Variants in PAK5 observed in about 807,000 individuals in gnomAD.
The protein encoded by PAK5 is p21 (RAC1) activated kinase 5, also known as serine/threonine-protein kinase PAK 5.
PAK5 carries 16 observed loss-of-function variants against 65.9 expected under a neutral mutation model. The ratio of observed to expected loss-of-function variants is 0.24; its 90% CI spans 0.16 to 0.37. The LOEUF (loss-of-function observed/expected upper bound fraction) is 0.37. Ranked by LOEUF, PAK5 falls within the 10% of genes least tolerant of loss-of-function variation. PAK5 has a pLI of 1.00. For synonymous variants in PAK5, 371 were observed against 354.9 expected (o/e 1.05, Z -0.51); for missense variants, 785 against 903.9 (o/e 0.87, Z 1.69).
At chr20:9,540,898 G>A (rs2045251615) in intron 9 of PAK5, among the ~76,000 whole-genome samples, 1 of 152,014 alleles carries the variant, frequency 6.6e-6, no homozygotes, top group South Asian at 2.1e-4. Flanking sequence ...CACCATGCTT[G>A]GCTAATTTTT....
chr20:9,702,066 T>G (rs2047946750), intron 2 of PAK5, among the ~76,000 whole-genome samples: 1 of 152,066 alleles, frequency 6.6e-6, no homozygotes, highest in Admixed American at 6.6e-5. Context: ...TATCCGAGCT[T>G]CCCTCCACCT....
At chr20:9,746,988 A>G (rs1452401331) in intron 1 of PAK5, among the ~76,000 whole-genome samples, 2 of 152,192 alleles carry the variant, frequency 1.3e-5, no homozygotes, top group African/African-American at 4.8e-5. Context: ...CGCAATAAAA[A>G]ATGGTAAAGG....
chr20:9,551,094 C>T (rs1235722770), intron 7 of PAK5, among the ~76,000 whole-genome samples: 5 of 152,126 alleles, frequency 3.3e-5, no homozygotes, highest in Non-Finnish European at 2.9e-5. Context: ...TTGCATGATA[C>T]TTTAATCATC....
chr20:9,765,608 C>T (rs1027101178), intron 1 of PAK5, among the ~76,000 whole-genome samples: 6 of 152,132 alleles, frequency 3.9e-5, no homozygotes, highest in Admixed American at 1.3e-4. Flanking sequence ...GGAGTATTCA[C>T]ACCAAGAAAC....
At chr20:9,682,228 G>A (rs1284939591) in intron 2 of PAK5, among the ~76,000 whole-genome samples, 1 of 152,014 alleles carries the variant, frequency 6.6e-6, no homozygotes, top group Non-Finnish European at 1.5e-5. Flanking sequence ...GTGGTGGCGG[G>A]CGCCTGTAGT....
At chr20:9,767,915 A>C (rs2123667847) in intron 1 of PAK5, among the ~76,000 whole-genome samples, 1 of 152,306 alleles carries the variant, frequency 6.6e-6, no homozygotes, top group East Asian at 1.9e-4. Flanking sequence ...AGGGAATACT[A>C]TGCAACCATA....
At chr20:9,640,311 G>T (rs1275473110) in intron 3 of PAK5, among the ~76,000 whole-genome samples, 1 of 149,644 alleles carries the variant, frequency 6.7e-6, no homozygotes, top group African/African-American at 2.5e-5. Context: ...AACATTCGGT[G>T]TTTGGTTTTT....
At chr20:9,786,628 A>T (rs1176040917) in intron 1 of PAK5, among the ~76,000 whole-genome samples, 3 of 152,122 alleles carry the variant, frequency 2.0e-5, no homozygotes, top group Non-Finnish European at 4.4e-5. Flanking sequence ...TCAAAGCCAC[A>T]GAAGCTCATG....
rs2045673358 is a variant in PAK5, at chr20:9,566,127, C to G, written c.1248G>C (p.Trp416Cys). The G allele has an allele frequency of 6.2e-7, 1 of 1,613,670 alleles. No homozygotes were observed. The highest frequency in any genetic ancestry group is 8.5e-7 in the Non-Finnish European group (1 of 1,179,868). ...LSSSTYPPPSWGSSSDQQPSR... is the reference protein window; with the variant it reads ...LSSSTYPPPSCGSSSDQQPSR... ...AGGGCTGCTGGTCGGAGGAGGAGCC[C>G]CAGCTGGGCGGCGGGTAGGTGCTGG... Residue 416 changes from tryptophan to cysteine, a missense_variant, in exon 5 of 10, where the codon TGG becomes TGC. Transcript: ENST00000353224.
intron 7 of PAK5, among the ~76,000 whole-genome samples, chr20:9,553,122 T>A (rs978909374): frequency 1.3e-5 from 2 of 152,164 alleles, no homozygotes; most frequent in South Asian, 2.1e-4. Flanking sequence ...TACAGTACAA[T>A]ATCAACACTT....
intron 2 of PAK5, among the ~76,000 whole-genome samples, chr20:9,664,722 G>A (rs552581612): frequency 6.6e-6 from 1 of 152,076 alleles, no homozygotes; most frequent in Non-Finnish European, 1.5e-5. Flanking sequence ...TTGGATGATA[G>A]TTATTGTTTT....
At chr20:9,640,802 G>C (rs529719315) in intron 3 of PAK5, among the ~76,000 whole-genome samples, 27 of 151,654 alleles carry the variant, frequency 1.8e-4, no homozygotes, top group South Asian at 4.2e-4. Context: ...GGAGTTGTTC[G>C]TTCCTCCTGG....
At chr20:9,761,029 T>C (rs1233810641) in intron 1 of PAK5, among the ~76,000 whole-genome samples, 1 of 152,176 alleles carries the variant, frequency 6.6e-6, no homozygotes, top group Non-Finnish European at 1.5e-5. Context: ...TAAGTAGTTT[T>C]CCTTAGAGCA....
At position 9,580,380 on chromosome 20, in the gene PAK5, T is replaced by A. The variant is rs756732283; in HGVS notation, c.755A>T (p.Tyr252Phe). ...GCTGGGTCCCCATTCACTTTCACTG[T>A]ACGCCAGGCTCTCCTTGGAGCACCC... is the stretch of plus-strand genomic sequence containing the variant. Reference protein sequence around the residue: ...TSGCSKESLAYSESEWGPSLD... With the variant: ...TSGCSKESLAFSESEWGPSLD... Residue 252 changes from tyrosine to phenylalanine, a missense_variant, in exon 4 of 10, where the codon TAC (tyrosine) becomes TTC (phenylalanine). By Grantham distance (22) the Tyr-to-Phe change is conservative. Coordinates refer to ENST00000353224, the MANE Select transcript of PAK5 (RefSeq NM_177990.4). 7 of 1,613,972 alleles carry A rather than the reference T, an allele frequency of 4.3e-6. No homozygotes were observed. Among genetic ancestry groups the A allele is most frequent in the Non-Finnish European group, 5.9e-6 (7 of 1,180,024 alleles).
At chr20:9,812,222 GAATAACATACCTTA>G (rs761151204) in intron 1 of PAK5, among the ~76,000 whole-genome samples, 6 of 151,446 alleles carry the variant, frequency 4.0e-5, no homozygotes, top group Non-Finnish European at 8.8e-5. Flanking sequence ...GAAAATATTT[GAATAACATACCTTA>G]AAAAGGCCTT....
intron 2 of PAK5, among the ~76,000 whole-genome samples, chr20:9,687,867 A>G (rs2047739776): frequency 6.7e-6 from 1 of 148,660 alleles, no homozygotes; most frequent in Non-Finnish European, 1.5e-5. Context: ...GCTTAGATGA[A>G]GAGAAGTCAA....
chr20:9,651,668 T>C (rs1351788172), intron 2 of PAK5, among the ~76,000 whole-genome samples: 2 of 152,120 alleles, frequency 1.3e-5, no homozygotes, highest in Non-Finnish European at 2.9e-5. Context: ...TAATAAAAGA[T>C]AATGACATGG....
chr20:9,570,949 A>T (rs1292642348), intron 4 of PAK5, among the ~76,000 whole-genome samples: 1 of 152,240 alleles, frequency 6.6e-6, no homozygotes, highest in Non-Finnish European at 1.5e-5. Context: ...CACCAAGGGG[A>T]CAATTTCCAG....
At chr20:9,760,418 G>C (rs980980586) in intron 1 of PAK5, among the ~76,000 whole-genome samples, 9 of 152,016 alleles carry the variant, frequency 5.9e-5, no homozygotes, top group African/African-American at 2.2e-4. Flanking sequence ...TAGCAAAACT[G>C]TCTGATACAA....
Sources: allele counts gnomAD v4.1 joint callset (sites outside exome capture counted in the v4.1 genomes callset), GRCh38; gene constraint gnomAD v4.1.1; transcripts MANE v1.5; gene names NCBI Gene and HGNC (gene_info 2026-07-23, HGNC 2026-07-21).